PPP2R2B: variants seen among roughly 807,000 people sequenced by gnomAD.
PPP2R2B encodes the protein protein phosphatase 2 regulatory subunit Bbeta.
Under a neutral mutation model 46.0 loss-of-function variants are expected in PPP2R2B, and 5 were observed. The ratio of observed to expected loss-of-function variants is 0.11; its 90% CI spans 0.06 to 0.23. The LOEUF is 0.23. Ranked by LOEUF, PPP2R2B falls within the 10% of genes least tolerant of loss-of-function variation. The pLI, the probability that PPP2R2B is intolerant of heterozygous loss-of-function variation, is 1.00. For synonymous variants in PPP2R2B, 215 were observed against 206.7 expected (o/e 1.04, Z -0.34); for missense variants, 367 against 575.0 (o/e 0.64, Z 3.70).
At chr5:146,783,303 A>G (rs1755646227) in intron 2 of PPP2R2B, among the ~76,000 whole-genome samples, 1 of 152,230 alleles carries the variant, frequency 6.6e-6, no homozygotes, top group Non-Finnish European at 1.5e-5. Context: ...AGATTTTCAG[A>G]TGCTGTGAAC....
intron 1 of PPP2R2B, among the ~76,000 whole-genome samples, chr5:146,925,125 A>G (rs1038035653): frequency 2.0e-5 from 3 of 152,212 alleles, no homozygotes; most frequent in African/African-American, 7.2e-5. Context: ...CCAACACTAC[A>G]GTGTTAAAAT....
chr5:146,742,818 A>G (rs1752956757), intron 2 of PPP2R2B, among the ~76,000 whole-genome samples: 1 of 152,122 alleles, frequency 6.6e-6, no homozygotes, highest in Admixed American at 6.5e-5. Context: ...TAAAAAGGGG[A>G]AACTGAAACA....
intron 1 of PPP2R2B, among the ~76,000 whole-genome samples, chr5:147,028,632 A>G (rs921226816): frequency 6.6e-6 from 1 of 152,154 alleles, no homozygotes; most frequent in African/African-American, 2.4e-5. Flanking sequence ...CATGAACAGT[A>G]CTGCTATGAA....
intron 1 of PPP2R2B, among the ~76,000 whole-genome samples, chr5:147,029,127 G>C (rs1755663279): frequency 6.6e-6 from 1 of 151,618 alleles, no homozygotes; most frequent in South Asian, 2.1e-4. Flanking sequence ...TCCTTTTTTT[G>C]ATGAATAGAA....
intron 1 of PPP2R2B, among the ~76,000 whole-genome samples, chr5:146,906,337 T>TTATTTATG (rs1190875482): frequency 3.3e-5 from 5 of 152,262 alleles, no homozygotes; most frequent in South Asian, 4.1e-4. Context: ...ATTTATTTAT[T>TTATTTATG]TGGAGACAGA....
At chr5:146,875,844 G>C (rs953872898) in intron 2 of PPP2R2B, among the ~76,000 whole-genome samples, 1 of 152,116 alleles carries the variant, frequency 6.6e-6, no homozygotes, top group African/African-American at 2.4e-5. Context: ...CTTTTTCAAG[G>C]TATACTAACA....
At chr5:147,008,071 A>G (rs1754532614) in intron 1 of PPP2R2B, among the ~76,000 whole-genome samples, 1 of 152,192 alleles carries the variant, frequency 6.6e-6, no homozygotes, top group African/African-American at 2.4e-5. Context: ...CATCAATGAA[A>G]TAAATGAACA....
At chr5:147,056,054 A>C, upstream of PPP2R2B, 2 of 1,145,892 alleles carry the variant, frequency 1.7e-6, no homozygotes, top group Non-Finnish European at 2.2e-6. Context: ...GCCTGTAAAC[A>C]CACGCTGAAA....
At position 146,844,354 on chromosome 5, in the gene PPP2R2B, A is replaced by T. The variant is rs1371209791; in HGVS notation, c.70+33648T>A. Among the ~76,000 whole-genome samples, 9 of 74,926 alleles carry T rather than the reference A, an allele frequency of 1.2e-4. No homozygotes were observed. In the East Asian group the frequency reaches 3.6e-3, roughly 30 times the overall value. The allele number at this position is 74,926 out of a possible 152,430, so 49.2% of individuals were successfully genotyped here. ...TGTACCCTAAAACTTAGAGTATAAT[A>T]AAAAAAAAAAAACATTAAAAAAAAA... is the stretch of plus-strand genomic sequence containing the variant. On this transcript the variant is annotated intron_variant, in intron 2 of 9. Transcript: ENST00000394411.
chr5:147,003,059 C>A (rs957049828), intron 1 of PPP2R2B, among the ~76,000 whole-genome samples: 2 of 152,054 alleles, frequency 1.3e-5, no homozygotes, highest in Non-Finnish European at 2.9e-5. Flanking sequence ...AATTACTATA[C>A]GATCCTGCAG....
At chr5:146,976,059 T>C (rs1752884886) in intron 1 of PPP2R2B, among the ~76,000 whole-genome samples, 1 of 151,142 alleles carries the variant, frequency 6.6e-6, no homozygotes, top group Non-Finnish European at 1.5e-5. Context: ...TTCAATGTCA[T>C]AAAGCTTCTC....
intron 9 of PPP2R2B, chr5:146,592,089 C>T (rs1047293273): frequency 2.3e-5 from 10 of 436,982 alleles, no homozygotes; most frequent in Non-Finnish European, 4.1e-5. Flanking sequence ...GCTTCTTTTT[C>T]CCATGGTGGA....
chr5:146,672,674 AC>A (rs1777444782), intron 5 of PPP2R2B, among the ~76,000 whole-genome samples: 3 of 152,210 alleles, frequency 2.0e-5, no homozygotes, highest in African/African-American at 7.2e-5. Flanking sequence ...CAGCATGCAA[AC>A]AAATAAAGAT....
Position 147,076,273 on chromosome 5 carries a change from A to G in PPP2R2B, c.50+4786T>C, listed in dbSNP as rs111404340. ...TATATATTGTTAAGTAAAAACATCA[A>G]TTTACAAAATAGTATTTCCATTATG... is the stretch of plus-strand genomic sequence containing the variant. On this transcript the variant is annotated intron_variant, in intron 2 of 10. Transcript: ENST00000394413. Among the ~76,000 whole-genome samples the G allele has an allele frequency of 7.6e-3, 1,150 of 152,254 alleles. 12 individuals carry two copies. The highest frequency in any genetic ancestry group is 0.026 in the African/African-American group (1,098 of 41,562).
At chr5:146,668,332 C>T (rs914947670) in intron 5 of PPP2R2B, among the ~76,000 whole-genome samples, 4 of 152,118 alleles carry the variant, frequency 2.6e-5, no homozygotes, top group African/African-American at 4.8e-5. Context: ...GGTCACTATT[C>T]CCTAGCTAGA....
chr5:146,705,631 G>A lies in PPP2R2B; in HGVS notation c.71-4489C>T, dbSNP rs151028151. Among the ~76,000 whole-genome samples, 717 of 152,218 alleles carry A rather than the reference G, an allele frequency of 4.7e-3. 2 individuals are homozygous for A. Among genetic ancestry groups the A allele is most frequent in the Middle Eastern group, 0.02 (6 of 294 alleles). ...GTCTCCTTCTTGGGTCCTGGATCAC[G>A]GTCCAAAGTCAGCATCCATTTTCTC... On this transcript the variant is annotated intron_variant, in intron 2 of 9. Coordinates refer to ENST00000394411, the MANE Select transcript of PPP2R2B (RefSeq NM_181675.4).
At chr5:146,764,597 C>G (rs895414928) in intron 2 of PPP2R2B, among the ~76,000 whole-genome samples, 1 of 152,146 alleles carries the variant, frequency 6.6e-6, no homozygotes, top group Non-Finnish European at 1.5e-5. Flanking sequence ...TGATCACATA[C>G]TTGTCTACTT....
rs561705455 is a variant in PPP2R2B at position 146,706,348 on chromosome 5, G to C, written c.71-5206C>G. On this transcript the variant is annotated intron_variant, in intron 2 of 9. Coordinates refer to ENST00000394411, the MANE Select transcript of PPP2R2B (RefSeq NM_181675.4). ...GAGAGCTGGAGCTCAGGCCGTAGCTGAGGCCAGAGCCTGTGAGGCCCCCAT... is the reference window on the plus strand; with the variant it reads ...GAGAGCTGGAGCTCAGGCCGTAGCTCAGGCCAGAGCCTGTGAGGCCCCCAT... 6 of 601,386 alleles carry C rather than the reference G, an allele frequency of 1.0e-5. No homozygotes were observed. In the East Asian group the frequency reaches 2.6e-4, roughly 26 times the overall value. The allele number at this position is 601,386 out of a possible 1,614,324, so 37.3% of individuals were successfully genotyped here.
chr5:147,049,100 A>ATGTGTGTG (rs146878580), intron 1 of PPP2R2B, among the ~76,000 whole-genome samples: 145 of 116,056 alleles, frequency 1.2e-3, no homozygotes, highest in African/African-American at 3.2e-3. Context: ...GGGAATGAGC[A>ATGTGTGTG]TGTGTGTGTG....
Sources: gnomAD v4.1 joint callset for allele counts (sites outside exome capture counted in the v4.1 genomes callset) on GRCh38, gnomAD v4.1.1 for gene constraint, MANE v1.5 for transcripts, NCBI Gene and HGNC (gene_info 2026-07-23, HGNC 2026-07-21) for gene names.